The following ADAMTSL1 variants were observed in gnomAD, a reference collection of about 807,000 sequenced individuals.
ADAMTSL1 encodes ADAMTS-like protein 1.
ADAMTSL1 carries 126 observed loss-of-function variants against 201.8 expected under a neutral mutation model. The ratio of observed to expected loss-of-function variants is 0.62; its 90% CI spans 0.54 to 0.72. The LOEUF is 0.72. ADAMTSL1 is among the 30% of genes least tolerant of loss of function. The probability of loss-of-function intolerance (pLI) is 0.00; values close to 1 mark genes in which losing one functional copy is unlikely to be tolerated. For missense variants in ADAMTSL1, 2,679 were observed against 2,277.8 expected, an observed-to-expected ratio of 1.18 and a Z score of -3.59; for synonymous variants, 1,121 against 903.4, an observed-to-expected ratio of 1.24 and a Z score of -4.32.
chr9:18,022,460 G>A (rs1295088547), intron 1 of ADAMTSL1, among the ~76,000 whole-genome samples: 2 of 152,204 alleles, frequency 1.3e-5, no homozygotes, highest in Non-Finnish European at 2.9e-5. Flanking sequence ...ATGGGAAGTG[G>A]GTGAGGAAAG....
At chr9:18,010,194 A>G (rs997244155) in intron 1 of ADAMTSL1, among the ~76,000 whole-genome samples, 1 of 152,010 alleles carries the variant, frequency 6.6e-6, no homozygotes, top group Non-Finnish European at 1.5e-5. Context: ...GAGAATTAAT[A>G]TGATTGTTAA....
At position 18,639,353 on chromosome 9, in the gene ADAMTSL1, T is replaced by C; in HGVS notation, c.776T>C (p.Phe259Ser). ...VDNSSVDFQK[F>S]PDKEILRMAG... ...AATTCTAGTGTGGACTTCCAGAAAT[T>C]TCCAGACAAAGAGATACTGAGAATG... Residue 259 changes from phenylalanine (F) to serine (S), a missense_variant, in exon 7 of 29, where the codon TTT (phenylalanine) becomes TCT (serine). Coordinates refer to ENST00000380548, the MANE Select transcript of ADAMTSL1 (RefSeq NM_001040272.6). The C allele has an allele frequency of 1.9e-6, 3 of 1,613,024 alleles. No individual in the cohort carries two copies. The highest frequency in any genetic ancestry group is 2.5e-6 in the Non-Finnish European group (3 of 1,179,312).
chr9:18,901,328 T>C (rs955310333), intron 26 of ADAMTSL1, among the ~76,000 whole-genome samples: 3 of 152,086 alleles, frequency 2.0e-5, no homozygotes, highest in African/African-American at 7.2e-5. Flanking sequence ...AAAAAGATGC[T>C]AGTTAACTCC....
intron 4 of ADAMTSL1, among the ~76,000 whole-genome samples, chr9:18,579,929 A>G (rs1822989825): frequency 6.6e-6 from 1 of 152,254 alleles, no homozygotes; most frequent in African/African-American, 2.4e-5. Flanking sequence ...GCATAAATGT[A>G]TGGACAGAAC....
intron 23 of ADAMTSL1, among the ~76,000 whole-genome samples, chr9:18,853,899 G>C (rs1826671874): frequency 8.5e-6 from 1 of 117,026 alleles, no homozygotes; most frequent in East Asian, 2.8e-4. Flanking sequence ...CTGTGTGTGT[G>C]TGTGTGTGTG....
chr9:18,637,330 A>G (rs1827167556), intron 6 of ADAMTSL1, among the ~76,000 whole-genome samples: 1 of 152,098 alleles, frequency 6.6e-6, no homozygotes, highest in Non-Finnish European at 1.5e-5. Flanking sequence ...CTAACTCTCC[A>G]CTCAACTAAC....
intron 2 of ADAMTSL1, among the ~76,000 whole-genome samples, chr9:18,368,419 G>T (rs1211448857): frequency 1.3e-5 from 2 of 152,174 alleles, no homozygotes; most frequent in Non-Finnish European, 2.9e-5. Flanking sequence ...TGGGACAAAA[G>T]GCAGTAGAAC....
At chr9:18,841,131 G>C (rs1190904702) in intron 23 of ADAMTSL1, among the ~76,000 whole-genome samples, 1 of 151,634 alleles carries the variant, frequency 6.6e-6, no homozygotes, top group Non-Finnish European at 1.5e-5. Flanking sequence ...CAAAGGGAAT[G>C]CTTCCAGTTT....
chr9:18,381,008 C>A (rs897948100), intron 2 of ADAMTSL1, among the ~76,000 whole-genome samples: 5 of 152,176 alleles, frequency 3.3e-5, no homozygotes, highest in African/African-American at 1.2e-4. Flanking sequence ...TCCTCTGTCC[C>A]AGAAGGTGTG....
chr9:18,892,912 AAAAC>A (rs1282855739), intron 26 of ADAMTSL1, among the ~76,000 whole-genome samples: 1 of 152,044 alleles, frequency 6.6e-6, no homozygotes. Context: ...TGTCCTTTGG[AAAAC>A]AATCACCGGC....
intron 2 of ADAMTSL1, among the ~76,000 whole-genome samples, chr9:18,404,328 T>C (rs1041693333): frequency 6.6e-6 from 1 of 152,218 alleles, no homozygotes; most frequent in Admixed American, 6.5e-5. Context: ...CAAACAATGA[T>C]GTGGAATCAT....
rs1290243586 is a variant in ADAMTSL1, at chr9:18,574,114, T to C, written c.322T>C (p.Trp108Arg). 1 of 1,614,166 alleles carries C rather than the reference T, an allele frequency of 6.2e-7. No individual in the cohort carries two copies. Among genetic ancestry groups the C allele is most frequent in the Admixed American group, 1.7e-5 (1 of 60,016 alleles). ...DVKHHGQFYEWLPVSNDPDNP... is the reference protein window; with the variant it reads ...DVKHHGQFYERLPVSNDPDNP... ...CAAGCACCATGGCCAGTTTTATGAA[T>C]GGCTTCCTGTGTCTAATGACCCTGA... Residue 108 changes from tryptophan (W) to arginine (R), a missense_variant, in exon 4 of 29, where the codon TGG (tryptophan) becomes CGG (arginine). Transcript: ENST00000380548.
At chr9:18,626,273 G>T (rs1036705948) in intron 5 of ADAMTSL1, among the ~76,000 whole-genome samples, 1 of 152,170 alleles carries the variant, frequency 6.6e-6, no homozygotes, top group Non-Finnish European at 1.5e-5. Flanking sequence ...CAGAGCAGGA[G>T]AACAGGAAAT....
At chr9:18,743,614 A>G (rs1818967784) in intron 15 of ADAMTSL1, among the ~76,000 whole-genome samples, 1 of 152,192 alleles carries the variant, frequency 6.6e-6, no homozygotes, top group Non-Finnish European at 1.5e-5. Context: ...TACGGAGCCA[A>G]AACCTCACAG....
At chr9:18,583,624 C>T (rs1441249976) in intron 4 of ADAMTSL1, among the ~76,000 whole-genome samples, 4 of 152,196 alleles carry the variant, frequency 2.6e-5, no homozygotes, top group African/African-American at 9.6e-5. Context: ...ACAGCTTGCA[C>T]TGTGTGCCTG....
At chr9:18,219,387 G>A (rs1381984161) in intron 2 of ADAMTSL1, among the ~76,000 whole-genome samples, 2 of 142,468 alleles carry the variant, frequency 1.4e-5, no homozygotes, top group South Asian at 2.2e-4. Context: ...TTATTTATTT[G>A]AGACAGTGTG....
chr9:17,984,768 C>A (rs1161157130), intron 1 of ADAMTSL1, among the ~76,000 whole-genome samples: 2 of 152,046 alleles, frequency 1.3e-5, no homozygotes, highest in African/African-American at 4.8e-5. Context: ...TCATTTAGAC[C>A]TTTTCCTTCT....
At chr9:17,932,781 A>C (rs1234860140) in intron 1 of ADAMTSL1, among the ~76,000 whole-genome samples, 1 of 152,166 alleles carries the variant, frequency 6.6e-6, no homozygotes, top group African/African-American at 2.4e-5. Context: ...ACTATTCTCC[A>C]TGTTGTCCTT....
At chr9:18,709,240 T>C (rs1220486092) in intron 14 of ADAMTSL1, among the ~76,000 whole-genome samples, 3 of 152,198 alleles carry the variant, frequency 2.0e-5, no homozygotes, top group South Asian at 4.1e-4. Flanking sequence ...GCACTAAAAT[T>C]TATTTTGGTA....
Sources: allele counts gnomAD v4.1 joint callset (sites outside exome capture counted in the v4.1 genomes callset), GRCh38; gene constraint gnomAD v4.1.1; transcripts MANE v1.5; gene names NCBI Gene and HGNC (gene_info 2026-07-23, HGNC 2026-07-21).